DAB1: variants seen among roughly 807,000 people sequenced by gnomAD.
The protein encoded by DAB1 is DAB adaptor protein 1, also known as disabled homolog 1.
In DAB1, 15 loss-of-function variants were observed where a neutral mutation model predicts 64.6. That is an observed-to-expected ratio of 0.23 (90% CI 0.16 to 0.36). The LOEUF (loss-of-function observed/expected upper bound fraction) is 0.36, where lower values mean the gene tolerates loss of function less well. Ranked by LOEUF, DAB1 falls within the 10% of genes least tolerant of loss-of-function variation. The pLI, the probability that DAB1 is intolerant of heterozygous loss-of-function variation, is 1.00. For synonymous variants in DAB1, 235 were observed against 251.9 expected (o/e 0.93, Z 0.64); for missense variants, 596 against 706.7 (o/e 0.84, Z 1.78).
intron 2 of DAB1, among the ~76,000 whole-genome samples, chr1:57,238,887 ACACACACC>A (rs1392018959): frequency 1.4e-4 from 22 of 151,732 alleles, no homozygotes; most frequent in African/African-American, 4.3e-4. Flanking sequence ...ACACACACAC[ACACACACC>A]CCTAACTTGA....
intron 3 of DAB1, among the ~76,000 whole-genome samples, chr1:58,475,036 GA>G (rs1645405246): frequency 6.6e-6 from 1 of 152,126 alleles, no homozygotes; most frequent in Admixed American, 6.5e-5. Context: ...ATGGATTGGT[GA>G]TTCCAGGAAA....
intron 6 of DAB1, among the ~76,000 whole-genome samples, chr1:57,783,780 T>C (rs1650217058): frequency 6.6e-6 from 1 of 152,192 alleles, no homozygotes; most frequent in Non-Finnish European, 1.5e-5. Flanking sequence ...TCAGTGATCT[T>C]TGAAGTTACT....
At chr1:57,217,887 C>T (rs994798706) in intron 2 of DAB1, among the ~76,000 whole-genome samples, 58 of 152,024 alleles carry the variant, frequency 3.8e-4, no homozygotes, top group African/African-American at 1.4e-3. Flanking sequence ...TCTACTCAAG[C>T]TGCAGGGGCG....
intron 1 of DAB1, among the ~76,000 whole-genome samples, chr1:57,367,122 T>TAAAATAAAATAAAAA (rs1570382070): frequency 8.1e-6 from 1 of 123,226 alleles, no homozygotes. Context: ...ATAAAATAAA[T>TAAAATAAAATAAAAA]AAATTAGCCA....
At chr1:57,451,228 C>T (rs17460130) in intron 7 of DAB1, among the ~76,000 whole-genome samples, 6,425 of 152,152 alleles carry the variant, frequency 0.042, 183 homozygotes, top group South Asian at 0.074. Context: ...TCTTTAGCTC[C>T]GGGAGTCCTT....
intron 2 of DAB1, among the ~76,000 whole-genome samples, chr1:57,251,936 C>T (rs524095): frequency 0.59 from 89,082 of 152,090 alleles, 26,298 homozygotes; most frequent in Admixed American, 0.66. Context: ...CCATAAAGAC[C>T]TCCTAGGCCA....
intron 9 of DAB1, chr1:57,033,688 C>A (rs999720022): frequency 2.0e-6 from 2 of 995,168 alleles, no homozygotes; most frequent in African/African-American, 1.6e-5. Context: ...TCTCAGTAGG[C>A]GGGAGCTGTT....
chr1:58,431,231 G>A (rs1290316662), intron 3 of DAB1, among the ~76,000 whole-genome samples: 3 of 152,088 alleles, frequency 2.0e-5, no homozygotes, highest in Non-Finnish European at 4.4e-5. Context: ...AAGAGCTAAT[G>A]CCAGTGATGG....
At chr1:58,079,113 C>A (rs564057768) in intron 5 of DAB1, among the ~76,000 whole-genome samples, 1 of 152,270 alleles carries the variant, frequency 6.6e-6, no homozygotes, top group East Asian at 1.9e-4. Flanking sequence ...AAAAAAGAAA[C>A]AAAGGCTCAG....
chr1:57,997,054 G>A (rs1299722322), intron 5 of DAB1, among the ~76,000 whole-genome samples: 1 of 152,092 alleles, frequency 6.6e-6, no homozygotes, highest in Non-Finnish European at 1.5e-5. Context: ...ATAAGTGGTT[G>A]CAGTCAGCAC....
rs547277933 is a variant in DAB1, at chr1:57,463,412, G to T, written n.626-172246C>A. ...ATAATAAGGATTTACATTTTGAGGG[G>T]TCTTATGTTTTTTATTATGTAGCAG... is the stretch of plus-strand genomic sequence containing the variant. On this transcript the variant is annotated intron_variant and non_coding_transcript_variant, in intron 7 of 20. Transcript: ENST00000485760. 3.3e-5 allele frequency among the ~76,000 whole-genome samples: 5 copies of T among 152,260 alleles called. No individual in the cohort carries two copies. The South Asian group carries it at 1.0e-3, about 32-fold the overall frequency.
chr1:57,455,760 T>A (rs1254024446), intron 7 of DAB1, among the ~76,000 whole-genome samples: 1 of 152,080 alleles, frequency 6.6e-6, no homozygotes, highest in Non-Finnish European at 1.5e-5. Context: ...ATAATCCTGT[T>A]GAACATGGAA....
rs1300687039 is a variant in DAB1, at chr1:58,477,300, T to C, written n.257+28760A>G. On this transcript the variant is annotated intron_variant and non_coding_transcript_variant, in intron 3 of 20. Coordinates refer to the DAB1 transcript ENST00000485760. ...TAATGAAAATTTGCTATCATATCAATATAAAATTTAAGCTACTTTTTTATC... is the reference window on the plus strand; with the variant it reads ...TAATGAAAATTTGCTATCATATCAACATAAAATTTAAGCTACTTTTTTATC... 5.3e-5 allele frequency among the ~76,000 whole-genome samples: 8 copies of C among 152,318 alleles called. No individual in the cohort carries two copies. The South Asian group carries it at 1.7e-3, about 32-fold the overall frequency.
At chr1:57,424,295 G>A (rs1685171286), upstream of DAB1, among the ~76,000 whole-genome samples, 1 of 151,708 alleles carries the variant, frequency 6.6e-6, no homozygotes. Flanking sequence ...CGCTCCGAGA[G>A]CTTAGCCGAG....
intron 5 of DAB1, among the ~76,000 whole-genome samples, chr1:57,941,331 T>C (rs1000497014): frequency 2.0e-5 from 3 of 152,186 alleles, no homozygotes; most frequent in Admixed American, 2.0e-4. Context: ...ATACAAATAA[T>C]TGAGTTTAGG....
chr1:58,376,401 A>AG (rs1162142123), intron 3 of DAB1, among the ~76,000 whole-genome samples: 1 of 134,342 alleles, frequency 7.4e-6, no homozygotes, highest in Non-Finnish European at 1.6e-5. Flanking sequence ...TTGGTTTCAA[A>AG]GAACATCTTT....
At chr1:57,407,320 G>T (rs1286021771) in intron 1 of DAB1, among the ~76,000 whole-genome samples, 2 of 152,200 alleles carry the variant, frequency 1.3e-5, no homozygotes, top group Non-Finnish European at 1.5e-5. Context: ...GCACAGGATG[G>T]CGTTAGTTCA....
intron 4 of DAB1, among the ~76,000 whole-genome samples, chr1:58,186,682 T>C (rs1657094186): frequency 6.6e-6 from 1 of 152,198 alleles, no homozygotes; most frequent in Non-Finnish European, 1.5e-5. Context: ...AATTATTTAG[T>C]GTGAGAGTCA....
At chr1:57,429,236 G>A (rs560598984) in intron 7 of DAB1, among the ~76,000 whole-genome samples, 273 of 152,090 alleles carry the variant, frequency 1.8e-3, no homozygotes, top group African/African-American at 6.2e-3. Flanking sequence ...TTGATGATTC[G>A]TGATATTAAG....
Sources: allele counts gnomAD v4.1 joint callset (sites outside exome capture counted in the v4.1 genomes callset), GRCh38; gene constraint gnomAD v4.1.1; transcripts MANE v1.5; gene names NCBI Gene and HGNC (gene_info 2026-07-23, HGNC 2026-07-21).